The following C2CD5 variants were observed in gnomAD, a reference collection of about 807,000 sequenced individuals.
The protein encoded by C2CD5 is C2 calcium dependent domain containing 5.
A neutral mutation model predicts 130.3 loss-of-function variants in C2CD5; 109 were observed. The observed-to-expected ratio is 0.84, with a 90% CI of 0.72 to 0.98. C2CD5 has a LOEUF of 0.98. C2CD5 is among the 50% of genes least tolerant of loss of function. The pLI, the probability that C2CD5 is intolerant of heterozygous loss-of-function variation, is 0.00. For synonymous variants in C2CD5, 454 were observed against 429.2 expected, an observed-to-expected ratio of 1.06 and a Z score of -0.71; for missense variants, 996 against 1,261.8, an observed-to-expected ratio of 0.79 and a Z score of 3.19.
intron 9 of C2CD5, among the ~76,000 whole-genome samples, chr12:22,507,137 T>C (rs1004868018): frequency 2.0e-5 from 3 of 152,064 alleles, no homozygotes; most frequent in Admixed American, 1.3e-4. Context: ...CTGATGGAAC[T>C]TCTCAATGAG....
Position 22,449,774 on chromosome 12 carries a change from C to G in C2CD5, c.3142G>C (p.Glu1048Gln). The change falls in exon 27 of 27, where the codon GAA (glutamate) becomes CAA (glutamine). Residue 1048 changes from glutamate (E) to glutamine (Q), a missense_variant. By Grantham distance (29) the Glu-to-Gln change is conservative. This residue lies in a region of C2CD5 where 48 missense variants were observed against 46.4 expected (regional missense o/e 1.03). Transcript: ENST00000446597. ...TNCQSSCTEG[E>Q]VTT ...CCTAATTTTCCTCAGGTTGTAACTTCGCCTTCAGTACATGATGACTGGCAG... is the reference window on the plus strand; with the variant it reads ...CCTAATTTTCCTCAGGTTGTAACTTGGCCTTCAGTACATGATGACTGGCAG... 6.3e-7 allele frequency: 1 copy of G among 1,592,006 alleles called. No homozygotes were observed. The highest frequency in any genetic ancestry group is 8.6e-7 in the Non-Finnish European group (1 of 1,163,604).
At chr12:22,481,649 C>CTTTTTT (rs34990025) in intron 14 of C2CD5, among the ~76,000 whole-genome samples, 8 of 116,446 alleles carry the variant, frequency 6.9e-5, no homozygotes, top group Admixed American at 1.8e-4. Flanking sequence ...AGAAACACAC[C>CTTTTTT]TTTTTTTTTT....
chr12:22,502,923 CAT>C (rs1344367486), intron 10 of C2CD5: 3 of 618,506 alleles, frequency 4.9e-6, no homozygotes, highest in Non-Finnish European at 2.9e-6. Flanking sequence ...ACTGGAAAGA[CAT>C]AGACAGCAGA....
At chr12:22,539,200 CTT>C (rs1374599455) in intron 2 of C2CD5, among the ~76,000 whole-genome samples, 17 of 152,164 alleles carry the variant, frequency 1.1e-4, no homozygotes, top group Non-Finnish European at 1.5e-4. Flanking sequence ...CATCATGCCT[CTT>C]GTCACAACCC....
At chr12:22,473,590 A>G (rs533482853) in intron 16 of C2CD5, among the ~76,000 whole-genome samples, 3 of 152,142 alleles carry the variant, frequency 2.0e-5, no homozygotes, top group Non-Finnish European at 4.4e-5. Flanking sequence ...CTTTGTTCTC[A>G]TGTGCCTCTC....
chr12:22,500,132 T>A (rs1947570339), intron 10 of C2CD5, among the ~76,000 whole-genome samples: 1 of 151,928 alleles, frequency 6.6e-6, no homozygotes, highest in Admixed American at 6.6e-5. Flanking sequence ...TGCAGTGAGC[T>A]GAGATCACGC....
At chr12:22,533,458 A>G (rs1174150394) in intron 3 of C2CD5, among the ~76,000 whole-genome samples, 2 of 152,212 alleles carry the variant, frequency 1.3e-5, no homozygotes, top group Non-Finnish European at 2.9e-5. Flanking sequence ...TACAGTCCCT[A>G]TAATCTCCTG....
chr12:22,497,423 T>G (rs1166955649), intron 10 of C2CD5, among the ~76,000 whole-genome samples: 1 of 152,058 alleles, frequency 6.6e-6, no homozygotes, highest in Non-Finnish European at 1.5e-5. Flanking sequence ...ACAAATATTG[T>G]TTAAAAATAA....
intron 9 of C2CD5, among the ~76,000 whole-genome samples, chr12:22,508,660 C>A (rs1441928839): frequency 6.6e-6 from 1 of 152,120 alleles, no homozygotes; most frequent in Non-Finnish European, 1.5e-5. Flanking sequence ...GTTCGGTAAT[C>A]ACTGAGCAAG....
intron 25 of C2CD5, 30 bp downstream of exon 25, chr12:22,456,941 T>A (rs772826458): frequency 9.8e-6 from 14 of 1,428,058 alleles, no homozygotes; most frequent in Admixed American, 7.6e-5. Context: ...GAAAATTTTT[T>A]AAAAAATGAA....
At chr12:22,451,985 T>C (rs1001285068) in intron 26 of C2CD5, among the ~76,000 whole-genome samples, 1 of 152,160 alleles carries the variant, frequency 6.6e-6, no homozygotes, top group Admixed American at 6.5e-5. Context: ...CCCAATGTTA[T>C]AGATGAGAAA....
At chr12:22,537,506 CTTAAT>C (rs1362675393) in intron 2 of C2CD5, among the ~76,000 whole-genome samples, 1 of 152,142 alleles carries the variant, frequency 6.6e-6, no homozygotes, top group Non-Finnish European at 1.5e-5. Context: ...TTCACTTAGT[CTTAAT>C]TTAATTAAAA....
intron 8 of C2CD5, among the ~76,000 whole-genome samples, chr12:22,514,593 C>A (rs1175930665): frequency 2.0e-5 from 3 of 151,794 alleles, no homozygotes; most frequent in African/African-American, 7.3e-5. Context: ...CTGATTCAAA[C>A]AGAATAATTT....
intron 22 of C2CD5, among the ~76,000 whole-genome samples, chr12:22,468,456 G>A (rs1373607812): frequency 5.3e-5 from 8 of 152,096 alleles, no homozygotes; most frequent in Non-Finnish European, 7.4e-5. Context: ...GGATTCAAGC[G>A]ATCTTCTCGC....
chr12:22,543,202 T>C (rs1592066748), intron 2 of C2CD5, among the ~76,000 whole-genome samples: 1 of 152,378 alleles, frequency 6.6e-6, no homozygotes, highest in Non-Finnish European at 1.5e-5. Flanking sequence ...GCTGCTCTAA[T>C]GCTCTGGCTC....
In C2CD5 at chr12:22,523,536, G is replaced by T. The variant is rs769991906; in HGVS notation, c.690C>A (p.Gly230=). 1.2e-6 allele frequency: 2 copies of T among 1,613,636 alleles called. No individual in the cohort carries two copies. The highest frequency in any genetic ancestry group is 1.7e-6 in the Non-Finnish European group (2 of 1,179,868). Residue 230 remains glycine, a synonymous_variant, in exon 7 of 27, where the codon GGC becomes GGA. Coordinates refer to ENST00000446597, the MANE Select transcript of C2CD5 (RefSeq NM_001286176.2). ...TGGCTCGCACCACTAACCCAGACTC[G>T]CCCTCCAGATCGAAACACTGTAAGT... ...VGYLQCFDLE[G]ESGLVVRAIG... is the part of the protein sequence containing the mutation.
At chr12:22,456,221 A>C (rs576486315) in intron 25 of C2CD5, among the ~76,000 whole-genome samples, 2 of 152,334 alleles carry the variant, frequency 1.3e-5, no homozygotes, top group South Asian at 4.1e-4. Context: ...ACTTTTTAAA[A>C]ATACAAACTG....
At chr12:22,527,330 A>ATTTTTTT (rs752914937) in intron 4 of C2CD5, among the ~76,000 whole-genome samples, 1 of 138,150 alleles carries the variant, frequency 7.2e-6, no homozygotes, top group African/African-American at 2.8e-5. Context: ...ATATATATAT[A>ATTTTTTT]TTTTTTTTTT....
chr12:22,453,844 T>C, intron 26 of C2CD5, 52 bp downstream of exon 26: 2 of 1,564,878 alleles, frequency 1.3e-6, no homozygotes, highest in Non-Finnish European at 1.8e-6. Context: ...TAGGAAGCCA[T>C]GGAAGAAATT....
Sources: gnomAD v4.1 joint callset for allele counts (sites outside exome capture counted in the v4.1 genomes callset) on GRCh38, gnomAD v4.1.1 for gene constraint, gnomAD v4.1.1 regional missense constraint, MANE v1.5 for transcripts, NCBI Gene and HGNC (gene_info 2026-07-23, HGNC 2026-07-21) for gene names.